Variants in WDR70 observed in about 807,000 individuals in gnomAD.
WDR70 encodes the protein WD repeat domain 70.
Under a neutral mutation model 88.6 loss-of-function variants are expected in WDR70, and 53 were observed. That is an observed-to-expected ratio of 0.60 (90% CI 0.48 to 0.75). WDR70 has a LOEUF of 0.75. Among genes scored for constraint, WDR70 ranks in the 30% least tolerant of loss-of-function variants. WDR70 has a pLI of 0.00. For missense variants in WDR70, 610 were observed against 823.2 expected (o/e 0.74, Z 3.17); for synonymous variants, 280 against 270.0 (o/e 1.04, Z -0.36).
At chr5:37,719,604 A>G (rs898538348) in intron 13 of WDR70, among the ~76,000 whole-genome samples, 11 of 152,002 alleles carry the variant, frequency 7.2e-5, no homozygotes, top group Non-Finnish European at 1.5e-4. Context: ...TCTCTGTACA[A>G]TATCCCATTC....
chr5:37,674,947 T>C (rs1232829401), intron 10 of WDR70, among the ~76,000 whole-genome samples: 2 of 151,608 alleles, frequency 1.3e-5, no homozygotes, highest in African/African-American at 4.9e-5. Context: ...AGATGGTATC[T>C]CATTGTGGTT....
intron 9 of WDR70, among the ~76,000 whole-genome samples, chr5:37,558,183 A>G (rs1404568763): frequency 1.3e-5 from 2 of 152,116 alleles, no homozygotes; most frequent in Admixed American, 6.5e-5. Context: ...CAACAGAAAT[A>G]TCAGCCATTT....
At chr5:37,394,459 A>G (rs182145561) in intron 4 of WDR70, among the ~76,000 whole-genome samples, 100 of 152,338 alleles carry the variant, frequency 6.6e-4, no homozygotes, top group African/African-American at 2.1e-3. Flanking sequence ...GCACTGAGAT[A>G]TAGCAATTAG....
At chr5:37,727,694 G>C (rs1026993366) in intron 17 of WDR70, among the ~76,000 whole-genome samples, 12 of 152,152 alleles carry the variant, frequency 7.9e-5, no homozygotes, top group African/African-American at 2.9e-4. Context: ...TCCTTCCTCA[G>C]CCTCCTGGGT....
chr5:37,610,556 T>A (rs1333035166), intron 10 of WDR70, among the ~76,000 whole-genome samples: 1 of 152,170 alleles, frequency 6.6e-6, no homozygotes, highest in Non-Finnish European at 1.5e-5. Context: ...CCTTTTGTGA[T>A]TTTCTCCATA....
intron 9 of WDR70, among the ~76,000 whole-genome samples, chr5:37,521,784 C>T (rs1741102094): frequency 6.6e-6 from 1 of 151,942 alleles, no homozygotes; most frequent in African/African-American, 2.4e-5. Context: ...GGCATTTGGG[C>T]TGGTTCCATG....
At chr5:37,532,490 T>A (rs1456281996) in intron 9 of WDR70, among the ~76,000 whole-genome samples, 1 of 152,172 alleles carries the variant, frequency 6.6e-6, no homozygotes, top group Admixed American at 6.5e-5. Context: ...ATGGATTGGG[T>A]TAATTCAAAA....
chr5:37,592,863 A>C (rs2112449660), intron 9 of WDR70, among the ~76,000 whole-genome samples: 1 of 152,370 alleles, frequency 6.6e-6, no homozygotes. Flanking sequence ...TCGTCTATAT[A>C]GAAAATTTCT....
At chr5:37,545,505 T>TTTTATTTA (rs1169115670) in intron 9 of WDR70, among the ~76,000 whole-genome samples, 2 of 151,954 alleles carry the variant, frequency 1.3e-5, no homozygotes, top group African/African-American at 4.8e-5. Flanking sequence ...TGCTTTTTAT[T>TTTTATTTA]TTTATTTATT....
intron 9 of WDR70, among the ~76,000 whole-genome samples, chr5:37,534,551 G>A (rs1741601000): frequency 6.7e-6 from 1 of 148,550 alleles, no homozygotes; most frequent in African/African-American, 2.5e-5. Flanking sequence ...AGGCTGGAGT[G>A]CAGAGGCACA....
chr5:37,590,779 G>C (rs10941348), intron 9 of WDR70, among the ~76,000 whole-genome samples: 1 of 151,856 alleles, frequency 6.6e-6, no homozygotes, highest in African/African-American at 2.4e-5. Flanking sequence ...AGGAAGTGTG[G>C]CCCTGCAGAT....
intron 10 of WDR70, among the ~76,000 whole-genome samples, chr5:37,637,825 A>AG (rs1444466985): frequency 6.6e-6 from 1 of 152,236 alleles, no homozygotes; most frequent in Non-Finnish European, 1.5e-5. Flanking sequence ...ATGAGAATGC[A>AG]GGTATGCAAC....
In WDR70 at chr5:37,702,937, T is replaced by C. The variant is rs558601633; in HGVS notation, c.1278-12T>C. ...TCATAAGCTTATACTCGTAAACTCT[T>C]TTTTTCTGTAGGACTGACTGCTGTT... On this transcript the variant is annotated splice_polypyrimidine_tract_variant and intron_variant, in intron 12 of 17. Coordinates refer to ENST00000265107, the MANE Select transcript of WDR70 (RefSeq NM_018034.4). 16 of 1,597,178 alleles carry C rather than the reference T, an allele frequency of 1.0e-5. No homozygotes were observed. The highest frequency in any genetic ancestry group is 1.3e-5 in the Non-Finnish European group (15 of 1,165,882).
chr5:37,399,280 A>G (rs1749125303), intron 5 of WDR70, among the ~76,000 whole-genome samples: 1 of 152,148 alleles, frequency 6.6e-6, no homozygotes, highest in Admixed American at 6.5e-5. Context: ...TCTGTCTCAC[A>G]CACACACAAA....
chr5:37,576,694 C>CTAAG (rs1475977544), intron 9 of WDR70, among the ~76,000 whole-genome samples: 1 of 151,738 alleles, frequency 6.6e-6, no homozygotes, highest in Non-Finnish European at 1.5e-5. Context: ...AGACCAGATC[C>CTAAG]TAGAAAATTG....
rs879216061 is a variant in WDR70, at chr5:37,484,569, GGGGAGA to G, written c.840+4603_840+4608del. ...GGAAAGAGAGGGAGAGGGAGACCGTGGGGAGAGGGAGAGGGAGAGGGAGAGGTCTCA... is the reference window on the plus strand; with the variant it reads ...GGAAAGAGAGGGAGAGGGAGACCGTGGGGAGAGGGAGAGGGAGAGGTCTCA... On this transcript the variant is annotated intron_variant, in intron 8 of 17. Coordinates refer to ENST00000265107, the MANE Select transcript of WDR70 (RefSeq NM_018034.4). Among the ~76,000 whole-genome samples, 95 of 152,120 alleles carry G rather than the reference GGGGAGA, an allele frequency of 6.2e-4. No homozygotes were observed. The South Asian group carries it at 7.1e-3, about 11-fold the overall frequency.
intron 10 of WDR70, among the ~76,000 whole-genome samples, chr5:37,672,591 C>G (rs1356052062): frequency 1.3e-5 from 2 of 152,264 alleles, no homozygotes; most frequent in East Asian, 3.9e-4. Flanking sequence ...AGTACCTTCC[C>G]TTGAACTTAT....
intron 8 of WDR70, among the ~76,000 whole-genome samples, chr5:37,515,959 C>T (rs2112255837): frequency 6.6e-6 from 1 of 152,316 alleles, no homozygotes; most frequent in Non-Finnish European, 1.5e-5. Context: ...ATTCTCTATA[C>T]TTAATGGAGC....
At chr5:37,575,293 TC>T (rs1273807737) in intron 9 of WDR70, among the ~76,000 whole-genome samples, 1 of 152,176 alleles carries the variant, frequency 6.6e-6, no homozygotes, top group African/African-American at 2.4e-5. Flanking sequence ...TTGTAATTTT[TC>T]TGGGTGATGG....
Sources: gnomAD v4.1 joint callset for allele counts (sites outside exome capture counted in the v4.1 genomes callset) on GRCh38, gnomAD v4.1.1 for gene constraint, MANE v1.5 for transcripts, NCBI Gene and HGNC (gene_info 2026-07-23, HGNC 2026-07-21) for gene names.